Variants in DNMT3A observed in about 807,000 individuals in gnomAD.
DNMT3A encodes the protein DNA methyltransferase 3 alpha.
In DNMT3A, 267 loss-of-function variants were observed where a neutral mutation model predicts 117.6. The observed-to-expected ratio is 2.27, with a 90% CI of 2.05 to 2.51. The LOEUF is 2.51. Ranked by LOEUF, DNMT3A falls within the 30% of genes most tolerant of loss-of-function variation. The pLI is 0.00. For synonymous variants in DNMT3A, 432 were observed against 474.8 expected, an observed-to-expected ratio of 0.91 and a Z score of 1.17; for missense variants, 1,029 against 1,260.2, an observed-to-expected ratio of 0.82 and a Z score of 2.78.
intron 1 of DNMT3A, among the ~76,000 whole-genome samples, chr2:25,322,951 C>G (rs1484398661): frequency 6.6e-6 from 1 of 151,916 alleles, no homozygotes; most frequent in Non-Finnish European, 1.5e-5. Flanking sequence ...GTAGCAGGTC[C>G]TTCTCCCTCC....
chr2:25,265,170 T>G (rs575983606), intron 6 of DNMT3A, among the ~76,000 whole-genome samples: 1 of 152,070 alleles, frequency 6.6e-6, no homozygotes, highest in Non-Finnish European at 1.5e-5. Flanking sequence ...ACCACATGAG[T>G]AGAGCAGGGA....
chr2:25,235,786 T>TG lies in DNMT3A; in HGVS notation c.2517dup (p.Ile840HisfsTer15). 1 of 1,614,216 alleles carries TG rather than the reference T, an allele frequency of 6.2e-7. No homozygotes were observed. The highest frequency in any genetic ancestry group is 8.5e-7 in the Non-Finnish European group (1 of 1,180,032). On this transcript the variant is annotated frameshift_variant, in exon 22 of 23. Coordinates refer to ENST00000321117, the MANE Select transcript of DNMT3A (RefSeq NM_022552.5). LOFTEE classifies it high-confidence loss of function. ...AAATGCTGGTCTTTGCCCTGCTTTA[T>TG]GGAGTTTGACCTCGTAGTAATGGTC...
rs1340118925 is a variant in DNMT3A at position 25,228,007 on chromosome 2, T to A, written c.*6272A>T. 6.6e-6 allele frequency: 1 copy of A among 151,398 alleles called. No homozygotes were observed. Among genetic ancestry groups the A allele is most frequent in the East Asian group, 1.9e-4 (1 of 5,166 alleles). 9.4% of individuals were successfully genotyped at this position (151,398 alleles called of 1,614,324 possible). A position where few individuals can be genotyped will look rare whatever the true frequency, so the allele number is the denominator to read the frequency against. On this transcript the variant is annotated 3_prime_UTR_variant, in exon 23 of 23. Coordinates refer to ENST00000321117, the MANE Select transcript of DNMT3A (RefSeq NM_022552.5). ...AGGCGGAACTGACAGACTTTCTACA[T>A]CTGTTGTACGCATTGACCTCTTTAA...
chr2:25,326,108 ATGTGTGTG>A (rs61521265), intron 1 of DNMT3A, among the ~76,000 whole-genome samples: 4,596 of 142,326 alleles, frequency 0.032, 117 homozygotes, highest in African/African-American at 0.065. Context: ...CTTGATATAT[ATGTGTGTG>A]TGTGTGTGTG....
At chr2:25,273,550 G>A (rs1025264363) in intron 6 of DNMT3A, among the ~76,000 whole-genome samples, 1 of 152,156 alleles carries the variant, frequency 6.6e-6, no homozygotes, top group Admixed American at 6.5e-5. Flanking sequence ...CTTTTCCTGT[G>A]CAGCTAGGTC....
Position 25,282,697 on chromosome 2 carries a change from G to A in DNMT3A, c.192C>T (p.Asp64=), listed in dbSNP as rs774620194. The A allele has an allele frequency of 1.1e-5, 17 of 1,531,926 alleles. No homozygotes were observed. Among genetic ancestry groups the A allele is most frequent in the Non-Finnish European group, 1.5e-5 (17 of 1,138,610 alleles). 94.9% of individuals were successfully genotyped at this position (1,531,926 alleles called of 1,614,324 possible). ...AGATCACCGCAGGGTCCTTTGGCGT[G>A]TCACCGCTTTCCACCTGCAAATGTA... ...KRKHPPVESG[D]TPKDPAVISK... The change falls in exon 4 of 23, where the codon GAC becomes GAT. Residue 64 remains aspartate, a synonymous_variant. Transcript: ENST00000321117. The surrounding 1 kb of genome is among the most constrained non-coding windows in gnomAD (Gnocchi z 5.2).
chr2:25,300,714 TATA>T (rs1558722694), intron 2 of DNMT3A, among the ~76,000 whole-genome samples: 57 of 4,020 alleles, frequency 0.014, 6 homozygotes, highest in African/African-American at 0.029. Flanking sequence ...AATAATATAA[TATA>T]TATATATATA....
intron 2 of DNMT3A, among the ~76,000 whole-genome samples, chr2:25,312,900 C>A (rs1056595952): frequency 3.9e-5 from 6 of 152,104 alleles, no homozygotes; most frequent in African/African-American, 1.4e-4. Context: ...CCAACTGGTG[C>A]CCCCATGAGC....
At chr2:25,292,100 C>CA (rs562900730) in intron 3 of DNMT3A, among the ~76,000 whole-genome samples, 61 of 151,708 alleles carry the variant, frequency 4.0e-4, no homozygotes, top group South Asian at 2.9e-3. Flanking sequence ...ACTAAAAATA[C>CA]AAAAAAAATG....
In DNMT3A at chr2:25,252,222, G is replaced by A. The variant is rs778377026; in HGVS notation, c.640-3970C>T. On this transcript the variant is annotated intron_variant, in intron 6 of 22. Coordinates refer to ENST00000321117, the MANE Select transcript of DNMT3A (RefSeq NM_022552.5). The surrounding 1 kb of genome is among the most constrained non-coding windows in gnomAD (Gnocchi z 5.5). ...TAAGGCCAGGTGCAGCCCCTCTGCA[G>A]TCGCGCTCAGGTGTGAGCCGCGGCC... The A allele has an allele frequency of 3.2e-6, 5 of 1,555,196 alleles. No individual in the cohort carries two copies. In the East Asian group the frequency reaches 1.2e-4, roughly 39 times the overall value.
At position 25,252,061 on chromosome 2, in the gene DNMT3A, G is replaced by T; in HGVS notation, c.640-3809C>A. The T allele has an allele frequency of 2.5e-6, 3 of 1,217,824 alleles. No individual in the cohort carries two copies. Among genetic ancestry groups the T allele is most frequent in the Non-Finnish European group, 3.4e-6 (3 of 888,002 alleles). 75.4% of individuals were successfully genotyped at this position (1,217,824 alleles called of 1,614,324 possible). ...GCATCTCCAGAACTCGGGCCAGGCC[G>T]GGACGCCGCGGCTGCTGCGGGCCGG... On this transcript the variant is annotated intron_variant, in intron 6 of 22. Transcript: ENST00000321117. This position sits in a 1 kb window ranked among gnomAD's most constrained non-coding sequence, Gnocchi z 5.5.
In DNMT3A at chr2:25,306,204, C is replaced by T. The variant is rs1273355339; in HGVS notation, c.73-5961G>A. The stretch of plus-strand genomic sequence containing the variant: ...ACACAGACACTCACATATGCTTGCA[C>T]ACACACCCGTGCCCAGGCCAACCTG... On this transcript the variant is annotated intron_variant, in intron 2 of 22. Transcript: ENST00000321117. This position sits in a 1 kb window ranked among gnomAD's most constrained non-coding sequence, Gnocchi z 4.1. 6.6e-6 allele frequency among the ~76,000 whole-genome samples: 1 copy of T among 152,210 alleles called. No individual in the cohort carries two copies. The highest frequency in any genetic ancestry group is 2.4e-5 in the African/African-American group (1 of 41,456).
intron 6 of DNMT3A, among the ~76,000 whole-genome samples, chr2:25,258,858 T>G (rs535920730): frequency 6.6e-6 from 1 of 152,292 alleles, no homozygotes; most frequent in African/African-American, 2.4e-5. Context: ...AAGCACAGCC[T>G]TAGGGTATCT....
intron 4 of DNMT3A, among the ~76,000 whole-genome samples, chr2:25,280,917 G>A (rs56197924): frequency 0.34 from 51,488 of 152,002 alleles, 9,062 homozygotes; most frequent in African/African-American, 0.43. Flanking sequence ...AAGGAATGCC[G>A]TGACCCTGGG....
At chr2:25,341,756 C>T (rs2035467455) in intron 1 of DNMT3A, 70 bp downstream of exon 1, 1 of 961,364 alleles carries the variant, frequency 1.0e-6, no homozygotes, top group East Asian at 1.2e-4. Context: ...GCGGCGCCCC[C>T]CGCCCGGCTC....
At chr2:25,338,781 C>A (rs1011899945) in intron 1 of DNMT3A, among the ~76,000 whole-genome samples, 2 of 152,172 alleles carry the variant, frequency 1.3e-5, no homozygotes, top group African/African-American at 4.8e-5. Flanking sequence ...TGCCGGTGAC[C>A]CTGGACAAGG....
At chr2:25,278,596 T>C (rs1318217626) in intron 4 of DNMT3A, among the ~76,000 whole-genome samples, 1 of 152,172 alleles carries the variant, frequency 6.6e-6, no homozygotes, top group Non-Finnish European at 1.5e-5. Context: ...AAGGCCAAGG[T>C]GGGCAGATCA....
At chr2:25,276,549 G>GA (rs2031426264) in intron 4 of DNMT3A, among the ~76,000 whole-genome samples, 1 of 152,212 alleles carries the variant, frequency 6.6e-6, no homozygotes, top group South Asian at 2.1e-4. Flanking sequence ...CCCCCAGCAT[G>GA]AGGGGAGCTG....
chr2:25,265,637 G>A (rs2030258912), intron 6 of DNMT3A, among the ~76,000 whole-genome samples: 1 of 152,108 alleles, frequency 6.6e-6, no homozygotes, highest in African/African-American at 2.4e-5. Flanking sequence ...GGCCAACATG[G>A]TGAAACCCCA....
Sources: gnomAD v4.1 joint callset for allele counts (sites outside exome capture counted in the v4.1 genomes callset) on GRCh38, gnomAD v4.1.1 for gene constraint, Gnocchi (gnomAD v3.1) non-coding constraint, MANE v1.5 for transcripts, NCBI Gene and HGNC (gene_info 2026-07-23, HGNC 2026-07-21) for gene names.